The following PNLDC1 variants were observed in gnomAD, a reference collection of about 807,000 sequenced individuals.
PNLDC1 encodes the protein PARN like ribonuclease domain containing exonuclease 1, also known as poly(A)-specific ribonuclease PNLDC1.
In PNLDC1, 70 loss-of-function variants were observed where a neutral mutation model predicts 82.0. The ratio of observed to expected loss-of-function variants is 0.85; its 90% confidence interval spans 0.70 to 1.04. The LOEUF (loss-of-function observed/expected upper bound fraction) is 1.04, where lower values mean the gene tolerates loss of function less well. PNLDC1 is among the 50% of genes least tolerant of loss of function. The pLI is 0.00. For missense variants in PNLDC1, 631 were observed against 661.1 expected (o/e 0.95, Z 0.50); for synonymous variants, 280 against 249.3 (o/e 1.12, Z -1.16).
chr6:159,817,547 T>C (rs1340699755), intron 15 of PNLDC1, among the ~76,000 whole-genome samples: 1 of 152,356 alleles, frequency 6.6e-6, no homozygotes, highest in East Asian at 1.9e-4. Context: ...TTCAGGTCAA[T>C]GAATGACATA....
intron 7 of PNLDC1, among the ~76,000 whole-genome samples, chr6:159,807,846 A>T (rs536046975): frequency 8.5e-5 from 13 of 152,250 alleles, no homozygotes; most frequent in Admixed American, 7.8e-4. Context: ...GAATATCCAA[A>T]GTCATTTGAT....
chr6:159,814,449 C>T (rs932418324), intron 12 of PNLDC1, among the ~76,000 whole-genome samples: 2 of 152,300 alleles, frequency 1.3e-5, no homozygotes, highest in Non-Finnish European at 2.9e-5. Flanking sequence ...TCCTGTGTAC[C>T]GCTGCGGTCC....
intron 16 of PNLDC1, 74 bp from the exon 17 acceptor site, chr6:159,818,871 CT>C: frequency 6.6e-7 from 1 of 1,511,804 alleles, no homozygotes; most frequent in Non-Finnish European, 9.0e-7. Flanking sequence ...TTCCTAGTTT[CT>C]TTTGAGATCT....
chr6:159,801,327 T>G (rs1208842036), intron 3 of PNLDC1, 141 bp downstream of exon 3: 2 of 818,338 alleles, frequency 2.4e-6, no homozygotes, highest in Non-Finnish European at 4.1e-6. Flanking sequence ...GGCCATTGTA[T>G]ACATATGGAA....
chr6:159,806,781 A>G (rs1316118113), intron 7 of PNLDC1, among the ~76,000 whole-genome samples: 2 of 152,062 alleles, frequency 1.3e-5, no homozygotes, highest in Non-Finnish European at 2.9e-5. Flanking sequence ...CAATATAGGT[A>G]TGTAAAAAAT....
Position 159,819,060 on chromosome 6 carries a change from A to G in PNLDC1, c.1372A>G (p.Lys458Glu). The G allele has an allele frequency of 1.9e-6, 3 of 1,613,992 alleles. No individual in the cohort carries two copies. Among genetic ancestry groups the G allele is most frequent in the Non-Finnish European group, 2.5e-6 (3 of 1,180,000 alleles). ...CTACCATAAGTTTCAGAATCTCTGCAAGTTTGATGTCAGGCGACTCACAAG... is the reference window on the plus strand; with the variant it reads ...CTACCATAAGTTTCAGAATCTCTGCGAGTTTGATGTCAGGCGACTCACAAG... ...QVYHKFQNLC[K>E]FDVRRLTRSQ... Residue 458 changes from lysine to glutamate, a missense_variant, in exon 17 of 19, where the codon AAG becomes GAG. Physicochemically the swap from Lys to Glu is moderately conservative, Grantham distance 56. Transcript: ENST00000392167. This position sits in a 1 kb window ranked among gnomAD's most constrained non-coding sequence, Gnocchi z 4.6.
chr6:159,816,501 T>G, intron 13 of PNLDC1, 42 bp from the exon 14 acceptor site: 1 of 1,598,294 alleles, frequency 6.3e-7, no homozygotes, highest in South Asian at 1.1e-5. Flanking sequence ...GTGTTTCTAA[T>G]GACTGCTCAA....
chr6:159,806,533 C>T (rs142978524), intron 7 of PNLDC1, among the ~76,000 whole-genome samples: 1 of 152,280 alleles, frequency 6.6e-6, no homozygotes, highest in African/African-American at 2.4e-5. Context: ...AAGTATCCCT[C>T]AGCTGTACTT....
intron 15 of PNLDC1, 32 bp from the exon 16 acceptor site, chr6:159,818,523 C>T: frequency 6.3e-7 from 1 of 1,590,262 alleles, no homozygotes; most frequent in Non-Finnish European, 8.6e-7. Context: ...CTTCTGTGCG[C>T]CCGACAGCTT....
intron 12 of PNLDC1, among the ~76,000 whole-genome samples, chr6:159,815,411 C>T (rs1562505022): frequency 6.6e-6 from 1 of 152,258 alleles, no homozygotes; most frequent in East Asian, 1.9e-4. Flanking sequence ...CCTCTTGGCC[C>T]TCCCTTCACA....
At chr6:159,807,917 T>TC (rs1445602998) in intron 7 of PNLDC1, among the ~76,000 whole-genome samples, 3 of 151,708 alleles carry the variant, frequency 2.0e-5, no homozygotes, top group Admixed American at 6.6e-5. Flanking sequence ...GATTTTTTTT[T>TC]TCTTTTTTTT....
At chr6:159,800,130 C>T (rs1781177858), upstream of PNLDC1, 1 of 551,292 alleles carries the variant, frequency 1.8e-6, no homozygotes, top group Non-Finnish European at 3.2e-6. Flanking sequence ...AATTAAAACA[C>T]CCGCAGGCAG....
At chr6:159,800,604 T>G in intron 1 of PNLDC1, 168 bp from the exon 2 acceptor site, 1 of 1,556,558 alleles carries the variant, frequency 6.4e-7, no homozygotes, top group Non-Finnish European at 8.8e-7. Flanking sequence ...TGCGCCCAGG[T>G]GCCTGGCTGC....
chr6:159,799,677 GGAGT>G (rs1324344536), upstream of PNLDC1, among the ~76,000 whole-genome samples: 2 of 152,132 alleles, frequency 1.3e-5, no homozygotes, highest in Non-Finnish European at 2.9e-5. Flanking sequence ...ATTTCCGCAA[GGAGT>G]GAGTGCACGA....
chr6:159,810,037 A>T lies in PNLDC1; in HGVS notation c.795A>T (p.Gly265=). The T allele has an allele frequency of 6.2e-7, 1 of 1,613,992 alleles. No homozygotes were observed. Among genetic ancestry groups the T allele is most frequent in the South Asian group, 1.1e-5 (1 of 91,072 alleles). ...MLVKAQKPLV[G]HNMMMDLLHL... The stretch of plus-strand genomic sequence containing the variant: ...TTTACTCCAAGTAGCCCTTAGTGGG[A>T]CATAATATGATGATGGACCTGCTGC... The change falls in exon 10 of 19, where the codon GGA becomes GGT. Residue 265 remains glycine (G), a synonymous_variant. Coordinates refer to ENST00000392167, the MANE Select transcript of PNLDC1 (RefSeq NM_001271862.2).
intron 8 of PNLDC1, 62 bp downstream of exon 8, chr6:159,808,878 A>C (rs1042540463): frequency 5.9e-5 from 94 of 1,598,918 alleles, no homozygotes; most frequent in African/African-American, 8.0e-5. Context: ...TAATTGGCCA[A>C]ATCTGGCCTC....
intron 14 of PNLDC1, 70 bp downstream of exon 14, chr6:159,816,666 CTG>C: frequency 7.4e-7 from 1 of 1,355,138 alleles, no homozygotes; most frequent in East Asian, 2.3e-5. Context: ...GGGTCTCACT[CTG>C]TTGCCCAGGC....
intron 11 of PNLDC1, among the ~76,000 whole-genome samples, chr6:159,812,050 C>G (rs1781664910): frequency 6.6e-6 from 1 of 152,090 alleles, no homozygotes; most frequent in African/African-American, 2.4e-5. Flanking sequence ...CAGGTGCGCA[C>G]CACCATGCCC....
At chr6:159,810,673 G>A (rs138839061) in intron 10 of PNLDC1, among the ~76,000 whole-genome samples, 8 of 152,286 alleles carry the variant, frequency 5.3e-5, no homozygotes, top group East Asian at 1.9e-4. Flanking sequence ...CACTACGTGC[G>A]TAGTCTCCAG....
Sources: gnomAD v4.1 joint callset for allele counts (sites outside exome capture counted in the v4.1 genomes callset) on GRCh38, gnomAD v4.1.1 for gene constraint, Gnocchi (gnomAD v3.1) non-coding constraint, MANE v1.5 for transcripts, NCBI Gene and HGNC (gene_info 2026-07-23, HGNC 2026-07-21) for gene names.